Variants in TMPRSS15 observed in about 807,000 individuals in gnomAD.
The protein encoded by TMPRSS15 is enteropeptidase.
A neutral mutation model predicts 125.3 loss-of-function variants in TMPRSS15; 128 were observed. That is an observed-to-expected ratio of 1.02 (90% CI 0.89 to 1.18). The LOEUF is 1.18. TMPRSS15 is among the 50% of genes most tolerant of loss of function. The probability of loss-of-function intolerance (pLI) is 0.00; values close to 1 mark genes in which losing one functional copy is unlikely to be tolerated. For missense variants in TMPRSS15, 1,283 were observed against 1,212.7 expected, an observed-to-expected ratio of 1.06 and a Z score of -0.86; for synonymous variants, 446 against 423.2, an observed-to-expected ratio of 1.05 and a Z score of -0.66.
intron 23 of TMPRSS15, among the ~76,000 whole-genome samples, chr21:18,275,546 TC>T (rs2074609649): frequency 6.6e-6 from 1 of 152,216 alleles, no homozygotes; most frequent in Admixed American, 6.5e-5. Flanking sequence ...GGAAAGCTCT[TC>T]TTTTTTACCG....
Position 18,269,264 on chromosome 21 carries a change from G to GAT in TMPRSS15, c.*703_*704dup, listed in dbSNP as rs2074524390. On this transcript the variant is annotated 3_prime_UTR_variant, in exon 25 of 25. Coordinates refer to ENST00000284885, the MANE Select transcript of TMPRSS15 (RefSeq NM_002772.3). The stretch of plus-strand genomic sequence containing the variant: ...ATAGGTGCATTTCTTTGGTATGTCT[G>GAT]ATTATTTTCTTGAGACTTAAAAATA... The GAT allele has an allele frequency of 1.3e-5, 2 of 152,112 alleles. No homozygotes were observed. Among genetic ancestry groups the GAT allele is most frequent in the South Asian group, 4.1e-4 (2 of 4,828 alleles). The allele number at this position is 152,112 out of a possible 1,614,324, so 9.4% of individuals were successfully genotyped here. A position where few individuals can be genotyped will look rare whatever the true frequency, so the allele number is the denominator to read the frequency against.
intron 6 of TMPRSS15, among the ~76,000 whole-genome samples, chr21:18,365,734 T>C (rs1018780623): frequency 1.5e-5 from 2 of 130,820 alleles, no homozygotes; most frequent in Non-Finnish European, 3.2e-5. Flanking sequence ...CTCTTCTTTC[T>C]CTTTTTTCCT....
chr21:18,360,760 A>G (rs1355698155), intron 7 of TMPRSS15, among the ~76,000 whole-genome samples: 2 of 151,946 alleles, frequency 1.3e-5, no homozygotes, highest in African/African-American at 4.8e-5. Flanking sequence ...CTGGCTATTC[A>G]GGTTTTGTTG....
At chr21:18,270,215 A>AAAATT in intron 24 of TMPRSS15, 91 bp from the exon 25 acceptor site, 1 of 1,108,206 alleles carries the variant, frequency 9.0e-7, no homozygotes, top group Admixed American at 2.1e-5. Flanking sequence ...TTAAAAAATA[A>AAAATT]AAATTAATTA....
At chr21:18,469,464 A>C (rs1334852119) in intron 1 of TMPRSS15, among the ~76,000 whole-genome samples, 7 of 152,116 alleles carry the variant, frequency 4.6e-5, no homozygotes, top group Admixed American at 4.6e-4. Flanking sequence ...AAAAATATTA[A>C]ATTTTACATT....
At chr21:18,298,757 G>C (rs2074934006) in intron 18 of TMPRSS15, among the ~76,000 whole-genome samples, 1 of 152,096 alleles carries the variant, frequency 6.6e-6, no homozygotes, top group East Asian at 1.9e-4. Flanking sequence ...CTACCTTTTG[G>C]AGTACTGTGA....
At chr21:18,408,974 A>G (rs1359301705) in intron 1 of TMPRSS15, among the ~76,000 whole-genome samples, 4 of 152,098 alleles carry the variant, frequency 2.6e-5, no homozygotes, top group African/African-American at 9.6e-5. Context: ...ATGTATCATC[A>G]TCAGTCAGCT....
At chr21:18,418,834 G>A (rs897705183) in intron 1 of TMPRSS15, among the ~76,000 whole-genome samples, 4 of 152,158 alleles carry the variant, frequency 2.6e-5, no homozygotes, top group African/African-American at 7.2e-5. Context: ...TTGATTCAGC[G>A]TATGCTATAC....
At chr21:18,329,068 C>A in intron 15 of TMPRSS15, 101 bp downstream of exon 15, 1 of 1,391,782 alleles carries the variant, frequency 7.2e-7, no homozygotes, top group Non-Finnish European at 1.0e-6. Context: ...TTTCATTTTG[C>A]AAGTTGTAAA....
intron 1 of TMPRSS15, among the ~76,000 whole-genome samples, chr21:18,431,116 G>A (rs1030502664): frequency 3.3e-5 from 5 of 152,094 alleles, no homozygotes; most frequent in Admixed American, 1.3e-4. Flanking sequence ...TTTCTTTGCT[G>A]TAAAGTCTCC....
chr21:18,444,939 A>C (rs1056626627), intron 1 of TMPRSS15, among the ~76,000 whole-genome samples: 1 of 152,112 alleles, frequency 6.6e-6, no homozygotes, highest in Non-Finnish European at 1.5e-5. Flanking sequence ...CATGAGTGAG[A>C]CAACAAAATT....
intron 17 of TMPRSS15, among the ~76,000 whole-genome samples, chr21:18,314,436 G>A (rs922546417): frequency 2.7e-4 from 41 of 151,960 alleles, no homozygotes; most frequent in African/African-American, 9.7e-4. Context: ...CCACCACCAC[G>A]CCTGGCAAAT....
chr21:18,400,300 G>T (rs1028965781), intron 1 of TMPRSS15, among the ~76,000 whole-genome samples: 1 of 152,058 alleles, frequency 6.6e-6, no homozygotes, highest in Non-Finnish European at 1.5e-5. Flanking sequence ...AAAGTCAGAG[G>T]CATCACATTA....
intron 1 of TMPRSS15, among the ~76,000 whole-genome samples, chr21:18,475,333 A>C (rs1978859713): frequency 6.6e-6 from 1 of 152,132 alleles, no homozygotes; most frequent in South Asian, 2.1e-4. Context: ...GTCAGGCAAC[A>C]GTGGCTCGCA....
At chr21:18,480,204 A>T (rs2824846) in intron 1 of TMPRSS15, among the ~76,000 whole-genome samples, 96,708 of 151,698 alleles carry the variant, frequency 0.64, 32,819 homozygotes, top group East Asian at 0.93. Flanking sequence ...CAAATATCTG[A>T]TCTAATAATA....
chr21:18,382,080 C>G (rs572090758), intron 4 of TMPRSS15, among the ~76,000 whole-genome samples: 2 of 151,812 alleles, frequency 1.3e-5, no homozygotes, highest in East Asian at 3.9e-4. Flanking sequence ...TACAAACAAA[C>G]TAGTATAAAG....
At chr21:18,438,426 T>G (rs567420323) in intron 1 of TMPRSS15, among the ~76,000 whole-genome samples, 1 of 151,952 alleles carries the variant, frequency 6.6e-6, no homozygotes, top group Non-Finnish European at 1.5e-5. Flanking sequence ...TGTATACATA[T>G]GTAACTAACC....
intron 1 of TMPRSS15, among the ~76,000 whole-genome samples, chr21:18,470,367 G>C (rs1253800485): frequency 1.3e-5 from 2 of 151,516 alleles, no homozygotes; most frequent in East Asian, 3.9e-4. Flanking sequence ...CTTGCAAACT[G>C]TCAAGAATAT....
intron 14 of TMPRSS15, among the ~76,000 whole-genome samples, chr21:18,331,141 A>T (rs571400731): frequency 1.3e-5 from 2 of 151,914 alleles, no homozygotes; most frequent in East Asian, 3.9e-4. Flanking sequence ...AAAGAAGTCA[A>T]ATTAGATTAG....
Sources: allele counts gnomAD v4.1 joint callset (sites outside exome capture counted in the v4.1 genomes callset), GRCh38; gene constraint gnomAD v4.1.1; transcripts MANE v1.5; gene names NCBI Gene and HGNC (gene_info 2026-07-23, HGNC 2026-07-21).